The following PCNT variants were observed in gnomAD, a reference collection of about 807,000 sequenced individuals.
PCNT encodes the protein kendrin.
A neutral mutation model predicts 380.4 loss-of-function variants in PCNT; 319 were observed. The observed-to-expected ratio is 0.84, with a 90% CI of 0.77 to 0.92. PCNT has a LOEUF of 0.92. Among genes scored for constraint, PCNT ranks in the 40% least tolerant of loss-of-function variants. PCNT has a pLI of 0.00. For synonymous variants in PCNT, 1,845 were observed against 1,735.2 expected (o/e 1.06, Z -1.57); for missense variants, 4,400 against 4,255.3 (o/e 1.03, Z -0.95).
chr21:46,326,870 C>A (rs112837967), intron 2 of PCNT, among the ~76,000 whole-genome samples: 1 of 151,690 alleles, frequency 6.6e-6, no homozygotes, highest in South Asian at 2.1e-4. Flanking sequence ...AAAAATTAGC[C>A]GGACATCTGG....
chr21:46,444,922 A>G lies in PCNT; in HGVS notation c.9967+101A>G. 5 of 1,103,054 alleles carry G rather than the reference A, an allele frequency of 4.5e-6. No homozygotes were observed. In the Middle Eastern group the frequency reaches 9.8e-4, roughly 216 times the overall value. 68.3% of individuals were successfully genotyped at this position (1,103,054 alleles called of 1,614,324 possible). ...TGGCTGGTATTCAGCTTAGTAACCA[A>G]AGTTTCAGTCTGAACAATCAGTGTC... On this transcript the variant is annotated intron_variant, in intron 46 of 46. Coordinates refer to ENST00000359568, the MANE Select transcript of PCNT (RefSeq NM_006031.6).
chr21:46,335,497 C>G (rs539250892), intron 3 of PCNT, among the ~76,000 whole-genome samples: 1 of 151,846 alleles, frequency 6.6e-6, no homozygotes, highest in Non-Finnish European at 1.5e-5. Context: ...AATTTTAGAC[C>G]AGCCTGGCCA....
At chr21:46,381,381 T>G (rs908592482) in intron 15 of PCNT, among the ~76,000 whole-genome samples, 7 of 152,192 alleles carry the variant, frequency 4.6e-5, no homozygotes, top group Admixed American at 2.6e-4. Flanking sequence ...GGTGAACTTC[T>G]TAGTGTGACT....
At chr21:46,351,119 C>G (rs2084250740) in intron 8 of PCNT, among the ~76,000 whole-genome samples, 3 of 152,200 alleles carry the variant, frequency 2.0e-5, no homozygotes, top group African/African-American at 7.2e-5. Flanking sequence ...CAGGGAGGTG[C>G]ACAAGATGAA....
In PCNT at chr21:46,411,591, C is replaced by G. The variant is rs777991572; in HGVS notation, c.5518C>G (p.Arg1840Gly). ...AAELQLAELERNVALREAEVE... is the reference protein window; with the variant it reads ...AAELQLAELEGNVALREAEVE... ...GGAGCTACAGCTGGCTGAGCTGGAGCGCAATGTAGCCCTCAGGGAGGCTGA... is the reference window on the plus strand; with the variant it reads ...GGAGCTACAGCTGGCTGAGCTGGAGGGCAATGTAGCCCTCAGGGAGGCTGA... Residue 1840 changes from arginine (R) to glycine (G), a missense_variant, in exon 28 of 47, where the codon CGC becomes GGC. Arg to Gly is a moderately radical substitution (Grantham distance 125, BLOSUM62 -2). Coordinates refer to ENST00000359568, the MANE Select transcript of PCNT (RefSeq NM_006031.6). 1 of 1,612,940 alleles carries G rather than the reference C, an allele frequency of 6.2e-7. No individual in the cohort carries two copies. Among genetic ancestry groups the G allele is most frequent in the Admixed American group, 1.7e-5 (1 of 60,014 alleles).
intron 20 of PCNT, 143 bp downstream of exon 20, chr21:46,390,975 G>A: frequency 8.4e-7 from 1 of 1,185,342 alleles, no homozygotes; most frequent in South Asian, 1.3e-5. Flanking sequence ...CCATGGTTTG[G>A]GAGGAATGGG....
At chr21:46,359,987 A>G (rs555189844) in intron 13 of PCNT, among the ~76,000 whole-genome samples, 22 of 149,974 alleles carry the variant, frequency 1.5e-4, no homozygotes, top group African/African-American at 5.4e-4. Context: ...CTCCCAAGTA[A>G]CTGGGAGTAC....
chr21:46,374,467 A>G (rs2085267401), intron 15 of PCNT, among the ~76,000 whole-genome samples: 1 of 152,116 alleles, frequency 6.6e-6, no homozygotes, highest in African/African-American at 2.4e-5. Context: ...TGGTAGATCC[A>G]CAGGCCTGTG....
At chr21:46,444,937 C>T (rs2053714912) in intron 46 of PCNT, 116 bp downstream of exon 46, 3 of 929,314 alleles carry the variant, frequency 3.2e-6, no homozygotes, top group Non-Finnish European at 5.3e-6. Flanking sequence ...TCAGTCTGAA[C>T]AATCAGTGTC....
At chr21:46,368,942 G>A (rs1307747347) in intron 15 of PCNT, among the ~76,000 whole-genome samples, 6 of 152,238 alleles carry the variant, frequency 3.9e-5, no homozygotes, top group Admixed American at 6.5e-5. Context: ...CTGACTGTGG[G>A]GAACAGTTGT....
chr21:46,412,685 G>A (rs1703776990), intron 28 of PCNT, 152 bp from the exon 29 acceptor site: 7 of 847,952 alleles, frequency 8.3e-6, no homozygotes, highest in African/African-American at 1.7e-5. Context: ...GTGGCCTGCT[G>A]TGGACCAAGG....
At chr21:46,325,913 T>G (rs2083380208) in intron 1 of PCNT, among the ~76,000 whole-genome samples, 1 of 152,172 alleles carries the variant, frequency 6.6e-6, no homozygotes, top group South Asian at 2.1e-4. Flanking sequence ...GCTTAATTAA[T>G]TTTTTGCTAT....
rs934912013 is a variant in PCNT, at chr21:46,445,405, G to A, written c.*78G>A. On this transcript the variant is annotated 3_prime_UTR_variant, in exon 47 of 47. Coordinates refer to ENST00000359568, the MANE Select transcript of PCNT (RefSeq NM_006031.6). ...TTTTTCCCTTTTCCCAAGGAAGCTC[G>A]TGGGACAGCATGGGCACTACTCTTC... The A allele has an allele frequency of 3.1e-5, 35 of 1,146,374 alleles. No individual in the cohort carries two copies. Among genetic ancestry groups the A allele is most frequent in the Non-Finnish European group, 3.5e-5 (26 of 753,036 alleles). 71.0% of individuals were successfully genotyped at this position (1,146,374 alleles called of 1,614,324 possible). A position where few individuals can be genotyped will look rare whatever the true frequency, so the allele number is the denominator to read the frequency against.
At chr21:46,428,345 C>T (rs899261617) in intron 34 of PCNT, 50 bp from the exon 35 acceptor site, 2 of 1,549,072 alleles carry the variant, frequency 1.3e-6, no homozygotes, top group Admixed American at 1.7e-5. Flanking sequence ...AAGGCCGGGG[C>T]ATGGGGTGGC....
At chr21:46,401,805 A>AACACAGGCGATGGGCTTGTGACC in intron 26 of PCNT, 84 bp downstream of exon 26, 1 of 1,284,744 alleles carries the variant, frequency 7.8e-7, no homozygotes, top group Non-Finnish European at 1.1e-6. Flanking sequence ...ATGTCCAGAT[A>AACACAGGCGATGGGCTTGTGACC]ACACAGGCGA....
chr21:46,349,628 C>T lies in PCNT; in HGVS notation c.1208-56C>T, dbSNP rs947975260. On this transcript the variant is annotated intron_variant, in intron 7 of 46. Transcript: ENST00000359568. The stretch of plus-strand genomic sequence containing the variant: ...GGTGCACCATTATTGTCACTGAGGT[C>T]GCTGTTGAGGAGAGTGATGTCTTGT... 39 of 1,574,970 alleles carry T rather than the reference C, an allele frequency of 2.5e-5. No individual in the cohort carries two copies. The African/African-American group carries it at 3.8e-4, about 15-fold the overall frequency.
chr21:46,350,284 A>G (rs1002523382), intron 8 of PCNT, among the ~76,000 whole-genome samples: 1 of 152,220 alleles, frequency 6.6e-6, no homozygotes, highest in African/African-American at 2.4e-5. Context: ...ATTACGTTCA[A>G]TCTTGTACTT....
At chr21:46,380,145 A>ATTTTTTTTTTTTT (rs552854585) in intron 15 of PCNT, among the ~76,000 whole-genome samples, 1 of 59,712 alleles carries the variant, frequency 1.7e-5, no homozygotes, top group Non-Finnish European at 2.9e-5. Flanking sequence ...CCTGGGGTAG[A>ATTTTTTTTTTTTT]TTTTTTTTTT....
At position 46,331,571 on chromosome 21, in the gene PCNT, A is replaced by G. The variant is rs539844558; in HGVS notation, c.268-2826A>G. 1.7e-4 allele frequency among the ~76,000 whole-genome samples: 26 copies of G among 152,272 alleles called. No homozygotes were observed. In the South Asian group the frequency reaches 2.1e-3, roughly 12 times the overall value. On this transcript the variant is annotated intron_variant, in intron 2 of 46. Coordinates refer to ENST00000359568, the MANE Select transcript of PCNT (RefSeq NM_006031.6). ...TGGCTCCGAGCACTTTGGGAGGCCAACGTGGGAGGATGGTTGAAACTCTGT... is the reference window on the plus strand; with the variant it reads ...TGGCTCCGAGCACTTTGGGAGGCCAGCGTGGGAGGATGGTTGAAACTCTGT...
Sources: allele counts gnomAD v4.1 joint callset (sites outside exome capture counted in the v4.1 genomes callset), GRCh38; gene constraint gnomAD v4.1.1; transcripts MANE v1.5; gene names NCBI Gene and HGNC (gene_info 2026-07-23, HGNC 2026-07-21).